Variants in TEAD4 observed in about 807,000 individuals in gnomAD.
The protein encoded by TEAD4 is transcriptional enhancer factor TEF-3.
In TEAD4, 36 loss-of-function variants were observed where a neutral mutation model predicts 52.4. The observed-to-expected ratio is 0.69, with a 90% CI of 0.53 to 0.91. The LOEUF (loss-of-function observed/expected upper bound fraction) is 0.91, where lower values mean the gene tolerates loss of function less well. Ranked by LOEUF, TEAD4 falls within the 40% of genes least tolerant of loss-of-function variation. The probability of loss-of-function intolerance (pLI) is 0.00; values close to 1 mark genes in which losing one functional copy is unlikely to be tolerated. For missense variants in TEAD4, 508 were observed against 583.9 expected, an observed-to-expected ratio of 0.87 and a Z score of 1.34; for synonymous variants, 220 against 231.0, an observed-to-expected ratio of 0.95 and a Z score of 0.43.
chr12:3,003,943 A>G (rs974934657), intron 3 of TEAD4, among the ~76,000 whole-genome samples: 1 of 152,140 alleles, frequency 6.6e-6, no homozygotes, highest in African/African-American at 2.4e-5. Context: ...GGTGCTTTAC[A>G]AGTTTCTCAC....
At chr12:2,962,520 A>C (rs185129223) in intron 2 of TEAD4, among the ~76,000 whole-genome samples, 1 of 151,772 alleles carries the variant, frequency 6.6e-6, no homozygotes, top group East Asian at 1.9e-4. Context: ...TTTTTAGTGG[A>C]GACGGAGTTT....
At chr12:3,017,241 G>A (rs2098265240) in intron 5 of TEAD4, 157 bp from the exon 6 acceptor site, 2 of 953,938 alleles carry the variant, frequency 2.1e-6, no homozygotes, top group Non-Finnish European at 3.2e-6. Flanking sequence ...TTTCTCAGTT[G>A]CAAAACAAGT....
At chr12:2,993,020 G>C (rs1351091024) in intron 2 of TEAD4, among the ~76,000 whole-genome samples, 4 of 152,128 alleles carry the variant, frequency 2.6e-5, no homozygotes, top group Non-Finnish European at 5.9e-5. Flanking sequence ...TGCCAAGACT[G>C]TTTCTTTCAG....
chr12:3,036,939 A>T (rs2098279776), intron 10 of TEAD4, among the ~76,000 whole-genome samples: 1 of 152,094 alleles, frequency 6.6e-6, no homozygotes, highest in African/African-American at 2.4e-5. Flanking sequence ...TTCACTTACT[A>T]GTTGGATGGT....
chr12:3,018,980 T>G (rs1591590659), intron 7 of TEAD4, 135 bp from the exon 8 acceptor site: 1 of 1,066,528 alleles, frequency 9.4e-7, no homozygotes, highest in Non-Finnish European at 1.4e-6. Flanking sequence ...GGGGCGGGAG[T>G]AGGAGGCCAA....
chr12:3,016,089 G>A (rs909556548), intron 5 of TEAD4, among the ~76,000 whole-genome samples: 5 of 151,872 alleles, frequency 3.3e-5, no homozygotes, highest in Admixed American at 6.6e-5. Context: ...GTGTAGTGGT[G>A]CAATCTCAGC....
At chr12:3,039,837 G>A (rs186692562) in intron 11 of TEAD4, among the ~76,000 whole-genome samples, 10 of 152,260 alleles carry the variant, frequency 6.6e-5, no homozygotes, top group Admixed American at 5.2e-4. Flanking sequence ...ACAGGCACGC[G>A]CCACCGTGCC....
Position 3,038,049 on chromosome 12 carries a change from A to G in TEAD4, c.979A>G (p.Ile327Val). ...CCAGTATGAGAGCCCCGAGAACATGATCATCACCTGCTCCACGAAGGTCTG... is the reference window on the plus strand; with the variant it reads ...CCAGTATGAGAGCCCCGAGAACATGGTCATCACCTGCTCCACGAAGGTCTG... The change falls in exon 11 of 13, where the codon ATC (isoleucine) becomes GTC (valine). Residue 327 changes from isoleucine (I) to valine (V), a missense_variant. Transcript: ENST00000359864. The G allele has an allele frequency of 1.2e-6, 2 of 1,614,012 alleles. No homozygotes were observed. Among genetic ancestry groups the G allele is most frequent in the Non-Finnish European group, 1.7e-6 (2 of 1,179,946 alleles).
intron 2 of TEAD4, among the ~76,000 whole-genome samples, chr12:2,976,771 C>T (rs1234214163): frequency 6.7e-6 from 1 of 148,848 alleles, no homozygotes; most frequent in Non-Finnish European, 1.5e-5. Flanking sequence ...GGCAAGTACT[C>T]GCCACCCCAT....
At chr12:3,022,166 TG>T in intron 10 of TEAD4, 149 bp downstream of exon 10, 1 of 1,108,724 alleles carries the variant, frequency 9.0e-7, no homozygotes, top group Non-Finnish European at 1.3e-6. Flanking sequence ...AGCATGGCTA[TG>T]GGATGGTTGG....
chr12:3,038,731 C>T (rs1234688697), intron 11 of TEAD4, among the ~76,000 whole-genome samples: 2 of 152,218 alleles, frequency 1.3e-5, no homozygotes, highest in African/African-American at 2.4e-5. Context: ...CCCAGGCACC[C>T]TGCTTTCCGG....
intron 10 of TEAD4, among the ~76,000 whole-genome samples, chr12:3,027,844 G>A (rs2098272989): frequency 6.6e-6 from 1 of 152,194 alleles, no homozygotes; most frequent in Non-Finnish European, 1.5e-5. Flanking sequence ...TGCAGCCTGG[G>A]TGACAGAGCA....
intron 2 of TEAD4, among the ~76,000 whole-genome samples, chr12:2,981,386 C>A (rs1053636522): frequency 2.0e-5 from 3 of 152,244 alleles, no homozygotes; most frequent in Non-Finnish European, 4.4e-5. Flanking sequence ...TGGAAGACAG[C>A]AGACAACTGA....
intron 5 of TEAD4, among the ~76,000 whole-genome samples, chr12:3,015,519 G>C (rs2098263796): frequency 6.6e-6 from 1 of 152,264 alleles, no homozygotes; most frequent in Non-Finnish European, 1.5e-5. Flanking sequence ...AGGATGGCGG[G>C]GGAGCACTGA....
intron 2 of TEAD4, among the ~76,000 whole-genome samples, chr12:2,986,632 T>A (rs567499986): frequency 3.4e-4 from 51 of 148,584 alleles, no homozygotes; most frequent in Non-Finnish European, 6.4e-4. Context: ...AGAGTGAGAC[T>A]CTGTCTCAAA....
chr12:2,979,259 A>G (rs2098232305), intron 2 of TEAD4, among the ~76,000 whole-genome samples: 1 of 152,196 alleles, frequency 6.6e-6, no homozygotes. Flanking sequence ...ACCTGGATGC[A>G]CCACATTTTG....
chr12:3,001,509 C>T (rs1417519782), intron 3 of TEAD4, among the ~76,000 whole-genome samples: 6 of 152,196 alleles, frequency 3.9e-5, no homozygotes, highest in Admixed American at 1.3e-4. Context: ...CGGTGGCTCA[C>T]GCCTGTAATC....
In TEAD4 at chr12:3,019,598, G is replaced by A. The variant is rs537419373; in HGVS notation, c.583+428G>A. ...GGACCCTTGTGGGAGAAGACCTGGT[G>A]GAGGCAGCCAGCGGTGCTGACAGGA... On this transcript the variant is annotated intron_variant, in intron 8 of 12. Transcript: ENST00000359864. Among the ~76,000 whole-genome samples the A allele has an allele frequency of 1.8e-4, 27 of 152,306 alleles. 1 individual carries two copies. In the East Asian group the frequency reaches 5.0e-3, roughly 28 times the overall value.
At chr12:2,981,202 C>A (rs1026349084) in intron 2 of TEAD4, among the ~76,000 whole-genome samples, 3 of 152,256 alleles carry the variant, frequency 2.0e-5, no homozygotes, top group Non-Finnish European at 4.4e-5. Context: ...AAGTGCTGGG[C>A]TGCCTGTATC....
Sources: allele counts gnomAD v4.1 joint callset (sites outside exome capture counted in the v4.1 genomes callset), GRCh38; gene constraint gnomAD v4.1.1; transcripts MANE v1.5; gene names NCBI Gene and HGNC (gene_info 2026-07-23, HGNC 2026-07-21).